Variants in PRKX observed in about 807,000 individuals in gnomAD.
The protein encoded by PRKX is protein kinase cAMP-dependent X-linked catalytic subunit.
Under a neutral mutation model 22.0 loss-of-function variants are expected in PRKX, and 12 were observed. That is an observed-to-expected ratio of 0.54 (90% CI 0.35 to 0.88). The LOEUF (loss-of-function observed/expected upper bound fraction) is 0.88. Ranked by LOEUF, PRKX falls within the 40% of genes least tolerant of loss-of-function variation. The pLI is 0.01. For synonymous variants in PRKX, 134 were observed against 137.7 expected (o/e 0.97, Z 0.19); for missense variants, 217 against 308.0 (o/e 0.70, Z 2.21).
At chrX:3,646,860 G>A (rs1927198868) in intron 3 of PRKX, among the ~76,000 whole-genome samples, 3 of 110,655 alleles carry the variant, frequency 2.7e-5, no homozygotes, top group Admixed American at 1.9e-4. Context: ...CGGTGACAAT[G>A]GCTCCTAGGC....
At chrX:3,643,728 T>C (rs990294168) in intron 3 of PRKX, among the ~76,000 whole-genome samples, 1 of 111,471 alleles carries the variant, frequency 9.0e-6, no homozygotes, top group Non-Finnish European at 1.9e-5. Context: ...AAACCCTTAT[T>C]TTGTAAGTTG....
rs764116083 is a variant in PRKX, at chrX:3,630,420, C to T, written c.720-3906G>A. ...CCAAAAATACAAAAAATTAGCCAGG[C>T]GTGGTGGCGGGCGCCTGTAATCCCA... is the stretch of plus-strand genomic sequence containing the variant. On this transcript the variant is annotated intron_variant, in intron 4 of 8. Transcript: ENST00000262848. Among the ~76,000 whole-genome samples the T allele has an allele frequency of 1.3e-3, 147 of 111,239 alleles. 1 individual carries two copies. Among genetic ancestry groups the T allele is most frequent in the African/African-American group, 4.4e-3 (135 of 30,668 alleles).
intron 1 of PRKX, among the ~76,000 whole-genome samples, chrX:3,697,959 T>C (rs774191754): frequency 9.8e-5 from 11 of 111,718 alleles, no homozygotes; most frequent in Admixed American, 1.9e-4. Flanking sequence ...CAAAATCGCC[T>C]TTTGGAGCAC....
At chrX:3,711,476 C>G (rs1482919879) in intron 1 of PRKX, among the ~76,000 whole-genome samples, 1 of 112,169 alleles carries the variant, frequency 8.9e-6, no homozygotes, top group Non-Finnish European at 1.9e-5. Flanking sequence ...CCCTCCTGCC[C>G]GCATCCTGCT....
Position 3,612,314 on chromosome X carries a change from C to CA in PRKX, c.962dup (p.Pro322AlafsTer6). The CA allele has an allele frequency of 8.3e-7, 1 of 1,209,566 alleles. No homozygotes were observed. Among genetic ancestry groups the CA allele is most frequent in the Non-Finnish European group, 1.1e-6 (1 of 894,727 alleles). On this transcript the variant is annotated frameshift_variant, in exon 8 of 9. Coordinates refer to ENST00000262848, the MANE Select transcript of PRKX (RefSeq NM_005044.5). LOFTEE classifies it high-confidence loss of function. ...TGTCGCCGTCACCAGCTATCTTGGG[C>CA]ACGATGGGAGGCTGTGAGACATGGC...
rs528688936 is a variant in PRKX, at chrX:3,613,150, C to CAAAAAAAAAAAAAAAAAAAAAA, written c.952-847_952-826dup. Among the ~76,000 whole-genome samples, 21 of 54,322 alleles carry CAAAAAAAAAAAAAAAAAAAAAA rather than the reference C, an allele frequency of 3.9e-4. 2 individuals are homozygous for CAAAAAAAAAAAAAAAAAAAAAA. Among genetic ancestry groups the CAAAAAAAAAAAAAAAAAAAAAA allele is most frequent in the Non-Finnish European group, 5.6e-4 (15 of 26,551 alleles). The allele number at this position is 54,322 out of a possible 115,157, so 47.2% of individuals were successfully genotyped here. A position where few individuals can be genotyped will look rare whatever the true frequency, so the allele number is the denominator to read the frequency against. ...TGGGCAACGGAGCAAGACTTCGTCT[C>CAAAAAAAAAAAAAAAAAAAAAA]AAAAAAAAAAAAAAAAAAAAAAAAA... On this transcript the variant is annotated intron_variant, in intron 7 of 8. Transcript: ENST00000262848.
intron 1 of PRKX, among the ~76,000 whole-genome samples, chrX:3,675,820 T>C (rs1017310553): frequency 9.0e-6 from 1 of 111,618 alleles, no homozygotes; most frequent in Non-Finnish European, 1.9e-5. Flanking sequence ...CTTGGGTTAA[T>C]GGAACGAATA....
intron 4 of PRKX, among the ~76,000 whole-genome samples, chrX:3,628,385 A>G (rs1411595952): frequency 2.7e-5 from 3 of 111,595 alleles, no homozygotes; most frequent in Admixed American, 9.6e-5. Flanking sequence ...TTTCAAATAC[A>G]TAGAGGATAT....
rs751126696 is a variant in PRKX at position 3,682,264 on chromosome X, G to A, written c.167-7498C>T. 7.2e-5 allele frequency among the ~76,000 whole-genome samples: 8 copies of A among 111,022 alleles called. No homozygotes were observed. In the East Asian group the frequency reaches 1.4e-3, roughly 20 times the overall value. ...TCCTCTGTGCTGCAAGAGCAACGCC[G>A]CACAGCTAGCTCGGCCTTTCACAGG... is the stretch of plus-strand genomic sequence containing the variant. On this transcript the variant is annotated intron_variant, in intron 1 of 8. Transcript: ENST00000262848.
chrX:3,710,903 C>T (rs1283452447), intron 1 of PRKX, among the ~76,000 whole-genome samples: 3 of 111,626 alleles, frequency 2.7e-5, no homozygotes, highest in Admixed American at 1.9e-4. Flanking sequence ...CAACTCCAGA[C>T]TGAGACTCAA....
chrX:3,688,204 G>A (rs745831114), intron 1 of PRKX, among the ~76,000 whole-genome samples: 9,433 of 101,731 alleles, frequency 0.093, 664 homozygotes, highest in East Asian at 0.29. Context: ...CCAGCACTTT[G>A]GGAGGCCGAG....
chrX:3,651,411 T>C (rs1276951349), intron 3 of PRKX, among the ~76,000 whole-genome samples: 4 of 112,187 alleles, frequency 3.6e-5, no homozygotes, highest in African/African-American at 6.5e-5. Context: ...ATAAAATGAC[T>C]TTAAAAGAAT....
chrX:3,667,536 C>T (rs1300080569), intron 2 of PRKX: 7 of 110,008 alleles, frequency 6.4e-5, no homozygotes, highest in African/African-American at 1.0e-4. Context: ...TTCCTCCCTC[C>T]AAGGACCCTG....
intron 3 of PRKX, among the ~76,000 whole-genome samples, chrX:3,653,949 TA>T (rs1927412358): frequency 1.3e-5 from 1 of 79,906 alleles, no homozygotes; most frequent in South Asian, 5.4e-4. Context: ...GTGATATATA[TA>T]ATATATATTA....
rs1011515989 is a variant in PRKX, at chrX:3,674,741, G to A, written c.192C>T (p.His64=). The A allele has an allele frequency of 1.7e-5, 20 of 1,209,250 alleles. No homozygotes were observed. Among genetic ancestry groups the A allele is most frequent in the Non-Finnish European group, 2.2e-5 (20 of 894,529 alleles). The change falls in exon 2 of 9, where the codon CAC becomes CAT. Residue 64 remains histidine, a synonymous_variant. Transcript: ENST00000262848. ...TVGTGTFGRV[H]LVKEKTAKHF... is the part of the protein sequence containing the mutation. ...GCTTGGCTGTCTTCTCCTTCACCAG[G>A]TGCACCCGCCCGAACGTCCCAGTGC...
At chrX:3,640,941 C>T (rs777627073) in intron 4 of PRKX, among the ~76,000 whole-genome samples, 2 of 111,397 alleles carry the variant, frequency 1.8e-5, no homozygotes, top group Non-Finnish European at 3.8e-5. Context: ...TGACAGTTTA[C>T]GAATGCCATG....
At chrX:3,653,497 T>C (rs1927381726) in intron 3 of PRKX, among the ~76,000 whole-genome samples, 2 of 106,712 alleles carry the variant, frequency 1.9e-5, no homozygotes, top group African/African-American at 6.8e-5. Context: ...TGCCCAGATG[T>C]TTGTTCAAAC....
At chrX:3,629,423 T>G (rs1926724970) in intron 4 of PRKX, among the ~76,000 whole-genome samples, 1 of 107,561 alleles carries the variant, frequency 9.3e-6, no homozygotes, top group African/African-American at 3.4e-5. Flanking sequence ...TGTTTTTTTT[T>G]TTTTTTTAAT....
chrX:3,659,729 GTTTTTTT>G (rs200394116), intron 2 of PRKX, among the ~76,000 whole-genome samples: 6 of 32,659 alleles, frequency 1.8e-4, no homozygotes, highest in African/African-American at 9.7e-4. Flanking sequence ...TTTTTTTTTT[GTTTTTTT>G]TTTTTTTGAG....
Sources: allele counts gnomAD v4.1 joint callset (sites outside exome capture counted in the v4.1 genomes callset), GRCh38; gene constraint gnomAD v4.1.1; transcripts MANE v1.5; gene names NCBI Gene and HGNC (gene_info 2026-07-23, HGNC 2026-07-21).